Variants in PRKAR2B observed in about 807,000 individuals in gnomAD.
The protein encoded by PRKAR2B is protein kinase cAMP-dependent type II regulatory subunit beta.
A neutral mutation model predicts 49.9 loss-of-function variants in PRKAR2B; 14 were observed. That is an observed-to-expected ratio of 0.28 (90% CI 0.19 to 0.44). PRKAR2B has a LOEUF of 0.44. Among genes scored for constraint, PRKAR2B ranks in the 20% least tolerant of loss-of-function variants. PRKAR2B has a pLI of 1.00. For synonymous variants in PRKAR2B, 196 were observed against 197.7 expected (o/e 0.99, Z 0.07); for missense variants, 393 against 537.9 (o/e 0.73, Z 2.67).
intron 2 of PRKAR2B, among the ~76,000 whole-genome samples, chr7:107,110,725 G>A (rs542183449): frequency 6.6e-6 from 1 of 151,944 alleles, no homozygotes; most frequent in Non-Finnish European, 1.5e-5. Context: ...CCCATCACCT[G>A]CAGACTAAAG....
intron 10 of PRKAR2B, 85 bp downstream of exon 10, chr7:107,157,409 T>C (rs1221430831): frequency 6.9e-7 from 1 of 1,458,746 alleles, no homozygotes; most frequent in Non-Finnish European, 9.2e-7. Flanking sequence ...ATCATTTTAT[T>C]GGGTTCACAG....
intron 2 of PRKAR2B, among the ~76,000 whole-genome samples, chr7:107,075,293 G>A (rs1794374869): frequency 6.6e-6 from 1 of 151,818 alleles, no homozygotes. Context: ...AATAGAGACA[G>A]GGTTTCACCA....
At chr7:107,142,038 A>T (rs1795798981) in intron 5 of PRKAR2B, among the ~76,000 whole-genome samples, 1 of 152,150 alleles carries the variant, frequency 6.6e-6, no homozygotes, top group African/African-American at 2.4e-5. Flanking sequence ...AAACAATGAT[A>T]AGTGTTCATG....
At chr7:107,059,664 G>A (rs899249903) in intron 1 of PRKAR2B, among the ~76,000 whole-genome samples, 2 of 150,920 alleles carry the variant, frequency 1.3e-5, no homozygotes, top group Non-Finnish European at 2.9e-5. Context: ...TATTTTGGTT[G>A]TTCCCAATTT....
At position 107,045,190 on chromosome 7, in the gene PRKAR2B, C is replaced by G; in HGVS notation, c.283C>G (p.Pro95Ala). Residue 95 changes from proline (P) to alanine (A), a missense_variant, in exon 1 of 11, where the codon CCC becomes GCC. Transcript: ENST00000265717. ...GGACGGGGAGGAGGAGGAGGCGGCG[C>G]CCGCGGACGCAGGGGCGTTCAATGG... is the stretch of plus-strand genomic sequence containing the variant. Reference protein sequence around the residue: ...SEDGEEEEAAPADAGAFNAPV... With the variant: ...SEDGEEEEAAAADAGAFNAPV... 1.4e-6 allele frequency: 2 copies of G among 1,463,970 alleles called. No individual in the cohort carries two copies. Among genetic ancestry groups the G allele is most frequent in the Non-Finnish European group, 1.8e-6 (2 of 1,109,082 alleles). The allele number at this position is 1,463,970 out of a possible 1,614,324, so 90.7% of individuals were successfully genotyped here.
chr7:107,096,022 T>A lies in PRKAR2B; in HGVS notation c.343+25706T>A, dbSNP rs543186325. Among the ~76,000 whole-genome samples the A allele has an allele frequency of 2.0e-5, 3 of 152,344 alleles. No homozygotes were observed. The East Asian group carries it at 5.8e-4, about 29-fold the overall frequency. ...TGAGGATGATGCTGGCCTCATAAAA[T>A]GAGTTAGGGAGGATTCCCTCTTGTT... is the stretch of plus-strand genomic sequence containing the variant. On this transcript the variant is annotated intron_variant, in intron 2 of 10. Transcript: ENST00000265717.
At chr7:107,092,714 A>G (rs931538368) in intron 2 of PRKAR2B, among the ~76,000 whole-genome samples, 2 of 152,202 alleles carry the variant, frequency 1.3e-5, no homozygotes, top group African/African-American at 4.8e-5. Flanking sequence ...TTTTATTACA[A>G]TTTTAAACAT....
Position 107,052,887 on chromosome 7 carries a change from G to A in PRKAR2B, c.307+7673G>A, listed in dbSNP as rs567731079. ...GCTCTGTTGCCCAGGCTGGAGTGCA[G>A]TGGTGCCATCTTGGCTCACTGCAGC... is the stretch of plus-strand genomic sequence containing the variant. On this transcript the variant is annotated intron_variant, in intron 1 of 10. Coordinates refer to ENST00000265717, the MANE Select transcript of PRKAR2B (RefSeq NM_002736.3). Among the ~76,000 whole-genome samples the A allele has an allele frequency of 5.3e-5, 8 of 152,332 alleles. No individual in the cohort carries two copies. The East Asian group carries it at 1.2e-3, about 22-fold the overall frequency.
intron 5 of PRKAR2B, among the ~76,000 whole-genome samples, chr7:107,144,060 ATTTAT>A (rs1275332973): frequency 4.6e-5 from 2 of 43,704 alleles, no homozygotes; most frequent in African/African-American, 1.2e-4. Context: ...TTTCTTATTT[ATTTAT>A]TTATTTATTT....
At chr7:107,156,760 C>T (rs1796099933) in intron 8 of PRKAR2B, among the ~76,000 whole-genome samples, 2 of 151,346 alleles carry the variant, frequency 1.3e-5, no homozygotes, top group African/African-American at 2.4e-5. Flanking sequence ...GAGCCGAGAT[C>T]GCGCCACTGC....
In PRKAR2B at chr7:107,151,018, T is replaced by C. The variant is rs922652968; in HGVS notation, c.838T>C (p.Leu280=). The C allele has an allele frequency of 6.4e-7, 1 of 1,554,880 alleles. No homozygotes were observed. The highest frequency in any genetic ancestry group is 8.7e-7 in the Non-Finnish European group (1 of 1,143,016). ...TGAGTCACTGCCATTCCTTAAATCT[T>C]TGGAGGTAAGTATATGTTTATGCTT... ...FIESLPFLKS[L]EFSERLKVVD... The change falls in exon 7 of 11, where the codon TTG becomes CTG. Residue 280 remains leucine, a synonymous_variant. Transcript: ENST00000265717.
intron 2 of PRKAR2B, among the ~76,000 whole-genome samples, chr7:107,090,948 A>G (rs1364659587): frequency 6.6e-6 from 1 of 152,246 alleles, no homozygotes; most frequent in Non-Finnish European, 1.5e-5. Context: ...AAGAAATAAT[A>G]CTTTACATTT....
At chr7:107,128,411 G>GTCA in intron 4 of PRKAR2B, 116 bp downstream of exon 4, 1 of 666,184 alleles carries the variant, frequency 1.5e-6, no homozygotes, top group Non-Finnish European at 2.6e-6. Context: ...CTGGGGTGAT[G>GTCA]GTAAAGGCCC....
At chr7:107,077,753 G>A (rs1166649525) in intron 2 of PRKAR2B, 1 of 152,220 alleles carries the variant, frequency 6.6e-6, no homozygotes, top group African/African-American at 2.4e-5. Context: ...TAGAGTACTA[G>A]CTCTGTTACT....
At position 107,044,943 on chromosome 7, in the gene PRKAR2B, G is replaced by A. The variant is rs778061650; in HGVS notation, c.36G>A (p.Leu12=). Residue 12 remains leucine, a synonymous_variant, in exon 1 of 11, where the codon CTG becomes CTA. Transcript: ENST00000265717. ...SIEIPAGLTE[L]LQGFTVEVLR... is the part of the protein sequence containing the mutation. ...AGATCCCGGCGGGACTGACGGAGCT[G>A]CTGCAGGGCTTCACGGTGGAGGTGC... 1.3e-6 allele frequency: 2 copies of A among 1,599,034 alleles called. No individual in the cohort carries two copies. The highest frequency in any genetic ancestry group is 1.7e-6 in the Non-Finnish European group (2 of 1,175,068).
chr7:107,089,831 CA>C (rs2116798477), intron 2 of PRKAR2B, among the ~76,000 whole-genome samples: 1 of 152,330 alleles, frequency 6.6e-6, no homozygotes, highest in African/African-American at 2.4e-5. Context: ...ATAAAACAGT[CA>C]TGGACACTCC....
At position 107,157,019 on chromosome 7, in the gene PRKAR2B, T is replaced by C. The variant is rs1434995408; in HGVS notation, c.954T>C (p.Ser318=). The change falls in exon 9 of 11, where the codon TCT becomes TCC. Residue 318 remains serine, a synonymous_variant. Transcript: ENST00000265717. ...DSADSFFIVE[S]GEVKITMKRK... ...CTGATTCTTTTTTCATTGTAGAATC[T>C]GGAGAAGTGAAAATTACTATGAAAA... The C allele has an allele frequency of 6.2e-7, 1 of 1,612,488 alleles. No individual in the cohort carries two copies. The highest frequency in any genetic ancestry group is 1.1e-5 in the South Asian group (1 of 91,048).
At chr7:107,119,208 G>T (rs1795344244) in intron 2 of PRKAR2B, among the ~76,000 whole-genome samples, 1 of 152,180 alleles carries the variant, frequency 6.6e-6, no homozygotes, top group Non-Finnish European at 1.5e-5. Flanking sequence ...GGATCAGAGG[G>T]TGGGGGTGTG....
chr7:107,045,794 A>C (rs570099335), intron 1 of PRKAR2B, among the ~76,000 whole-genome samples: 10 of 152,342 alleles, frequency 6.6e-5, no homozygotes, highest in African/African-American at 1.9e-4. Context: ...ATTATTTTCC[A>C]ATTTACCAAT....
Sources: allele counts gnomAD v4.1 joint callset (sites outside exome capture counted in the v4.1 genomes callset), GRCh38; gene constraint gnomAD v4.1.1; transcripts MANE v1.5; gene names NCBI Gene and HGNC (gene_info 2026-07-23, HGNC 2026-07-21).